Variants in PAPSS1 observed in about 807,000 individuals in gnomAD.
The protein encoded by PAPSS1 is bifunctional 3'-phosphoadenosine 5'-phosphosulfate synthase 1.
PAPSS1 carries 50 observed loss-of-function variants against 72.0 expected under a neutral mutation model. The observed-to-expected ratio is 0.69, with a 90% CI of 0.55 to 0.88. PAPSS1 has a LOEUF of 0.88. PAPSS1 is among the 40% of genes least tolerant of loss of function. The probability of loss-of-function intolerance (pLI) is 0.00; values close to 1 mark genes in which losing one functional copy is unlikely to be tolerated. For synonymous variants in PAPSS1, 261 were observed against 263.6 expected (o/e 0.99, Z 0.09); for missense variants, 657 against 782.2 (o/e 0.84, Z 1.91).
intron 1 of PAPSS1, 102 bp from the exon 2 acceptor site, chr4:107,701,387 G>C: frequency 1.4e-6 from 1 of 713,622 alleles, no homozygotes; most frequent in Non-Finnish European, 2.3e-6. Context: ...CATGCCAAAA[G>C]CAAAGAAAAA....
intron 11 of PAPSS1, among the ~76,000 whole-genome samples, chr4:107,623,356 T>C (rs771560325): frequency 1.8e-4 from 27 of 152,328 alleles, no homozygotes; most frequent in Admixed American, 7.2e-4. Context: ...TCATTAAGTA[T>C]ATATAAATAT....
chr4:107,694,047 A>G, intron 2 of PAPSS1, 41 bp from the exon 3 acceptor site: 1 of 1,393,442 alleles, frequency 7.2e-7, no homozygotes, highest in Admixed American at 1.8e-5. Context: ...GTGTAAAGTT[A>G]GAAGGATAAC....
intron 9 of PAPSS1, among the ~76,000 whole-genome samples, chr4:107,650,761 A>T (rs1464134767): frequency 6.6e-6 from 1 of 152,218 alleles, no homozygotes; most frequent in African/African-American, 2.4e-5. Flanking sequence ...AACTCACAGT[A>T]TAAGGACAAA....
chr4:107,704,504 T>C (rs937263802), intron 1 of PAPSS1, among the ~76,000 whole-genome samples: 10 of 152,246 alleles, frequency 6.6e-5, no homozygotes, highest in African/African-American at 9.6e-5. Context: ...GTAGCCCTTA[T>C]TACGTTGAAG....
intron 4 of PAPSS1, 91 bp from the exon 5 acceptor site, chr4:107,682,224 G>C: frequency 1.6e-6 from 1 of 612,186 alleles, no homozygotes; most frequent in South Asian, 2.4e-5. Flanking sequence ...ATTGAAGTTA[G>C]TATCTGCGCT....
intron 3 of PAPSS1, among the ~76,000 whole-genome samples, chr4:107,689,332 A>T (rs1266725595): frequency 6.6e-6 from 1 of 152,046 alleles, no homozygotes; most frequent in East Asian, 1.9e-4. Context: ...TTTCTACCTT[A>T]GGCCTCCCCA....
intron 5 of PAPSS1, among the ~76,000 whole-genome samples, chr4:107,664,566 C>T (rs1727266532): frequency 6.6e-6 from 1 of 152,142 alleles, no homozygotes; most frequent in Non-Finnish European, 1.5e-5. Flanking sequence ...TGCATCTCTG[C>T]TTCCTCTGAA....
chr4:107,633,621 A>C (rs977613977), intron 10 of PAPSS1, among the ~76,000 whole-genome samples: 2 of 152,112 alleles, frequency 1.3e-5, no homozygotes, highest in Admixed American at 1.3e-4. Context: ...TGGCAGCGTA[A>C]AAAGAATGGG....
At chr4:107,681,635 C>T (rs1415810250) in intron 5 of PAPSS1, among the ~76,000 whole-genome samples, 1 of 152,104 alleles carries the variant, frequency 6.6e-6, no homozygotes, top group Non-Finnish European at 1.5e-5. Context: ...AATGTGGGCA[C>T]TCTAAATATC....
chr4:107,614,672 C>A (rs1259234368), intron 11 of PAPSS1, among the ~76,000 whole-genome samples: 1 of 152,094 alleles, frequency 6.6e-6, no homozygotes, highest in Non-Finnish European at 1.5e-5. Context: ...CACCATTGTA[C>A]CCTTTATCCA....
At chr4:107,669,641 G>A (rs534200174) in intron 5 of PAPSS1, among the ~76,000 whole-genome samples, 7 of 152,284 alleles carry the variant, frequency 4.6e-5, no homozygotes, top group South Asian at 4.1e-4. Context: ...AGAAATATGC[G>A]TGCTTTCATT....
intron 3 of PAPSS1, among the ~76,000 whole-genome samples, chr4:107,689,293 C>G (rs928180807): frequency 1.8e-4 from 27 of 152,180 alleles, no homozygotes; most frequent in African/African-American, 6.5e-4. Context: ...ACTTGATGCT[C>G]TATTGATAAT....
At chr4:107,661,810 G>GA (rs977226795) in intron 5 of PAPSS1, among the ~76,000 whole-genome samples, 3 of 151,826 alleles carry the variant, frequency 2.0e-5, no homozygotes, top group East Asian at 1.9e-4. Flanking sequence ...ATGTTCAGTA[G>GA]AAAAAAAAGG....
intron 2 of PAPSS1, among the ~76,000 whole-genome samples, 192 bp downstream of exon 2, chr4:107,700,975 CTTTA>C (rs1723187001): frequency 6.6e-6 from 1 of 150,914 alleles, no homozygotes; most frequent in African/African-American, 2.4e-5. Flanking sequence ...TGGTTTTTAC[CTTTA>C]TTTAACAGCA....
chr4:107,643,381 C>T (rs540503589), intron 10 of PAPSS1, among the ~76,000 whole-genome samples: 17 of 152,168 alleles, frequency 1.1e-4, no homozygotes, highest in Non-Finnish European at 2.1e-4. Context: ...GGTATAATGC[C>T]TATTTCCCAT....
chr4:107,707,687 G>GT (rs1277258522), intron 1 of PAPSS1, among the ~76,000 whole-genome samples: 1 of 152,242 alleles, frequency 6.6e-6, no homozygotes, highest in Non-Finnish European at 1.5e-5. Flanking sequence ...TCTTCAATGT[G>GT]TTTTTTCTGA....
intron 9 of PAPSS1, among the ~76,000 whole-genome samples, chr4:107,648,097 A>T (rs1029364315): frequency 1.3e-5 from 2 of 152,194 alleles, no homozygotes; most frequent in Non-Finnish European, 2.9e-5. Context: ...TTCCCAGCAG[A>T]GCAAGTTCTC....
At chr4:107,695,508 C>T in intron 2 of PAPSS1, among the ~76,000 whole-genome samples, 1 of 152,086 alleles carries the variant, frequency 6.6e-6, no homozygotes, top group Non-Finnish European at 1.5e-5. Context: ...ATCGCCCTGG[C>T]CAGAACTTCC....
intron 11 of PAPSS1, among the ~76,000 whole-genome samples, chr4:107,630,585 G>A (rs907893062): frequency 2.0e-5 from 3 of 152,112 alleles, no homozygotes; most frequent in African/African-American, 2.4e-5. Context: ...GTCTCATGTC[G>A]TTTTTTATAG....
Sources: allele counts gnomAD v4.1 joint callset (sites outside exome capture counted in the v4.1 genomes callset), GRCh38; gene constraint gnomAD v4.1.1; transcripts MANE v1.5; gene names NCBI Gene and HGNC (gene_info 2026-07-23, HGNC 2026-07-21).